ZNF404: variants seen among roughly 807,000 people sequenced by gnomAD.
The protein encoded by ZNF404 is zinc finger protein 404.
Under a neutral mutation model 7.3 loss-of-function variants are expected in ZNF404, and 7 were observed. The ratio of observed to expected loss-of-function variants is 0.95; its 90% CI spans 0.54 to 1.79. The LOEUF is 1.79. ZNF404 is among the 40% of genes most tolerant of loss of function. The probability of loss-of-function intolerance (pLI) is 0.00; values close to 1 mark genes in which losing one functional copy is unlikely to be tolerated. For missense variants in ZNF404, 560 were observed against 661.5 expected (o/e 0.85, Z 1.68); for synonymous variants, 191 against 209.9 (o/e 0.91, Z 0.78).
rs558978047 is a variant in ZNF404 at position 43,874,001 on chromosome 19, C to G, written c.213G>C (p.Glu71Asp). The change falls in exon 3 of 3, where the codon GAG becomes GAC. Residue 71 changes from glutamate to aspartate, a missense_variant. Coordinates refer to ENST00000587539, the MANE Select transcript of ZNF404 (RefSeq NM_001033719.3). The part of the protein sequence containing the change: ...RNYEVNAYHQ[E>D]TWKRNKTFNL... Reference sequence around the variant, plus strand: ...TGAAGGTTTTATTTCTTTTCCATGTCTCCTGATGGTACGCATTTACTTCAT... The same window carrying G: ...TGAAGGTTTTATTTCTTTTCCATGTGTCCTGATGGTACGCATTTACTTCAT... The G allele has an allele frequency of 9.3e-6, 15 of 1,609,450 alleles. No individual in the cohort carries two copies. In the South Asian group the frequency reaches 1.7e-4, roughly 18 times the overall value.
chr19:43,872,660 A>G lies in ZNF404; in HGVS notation c.1554T>C (p.Thr518=), dbSNP rs780015279. The G allele has an allele frequency of 1.2e-6, 2 of 1,613,252 alleles. No individual in the cohort carries two copies. Among genetic ancestry groups the G allele is most frequent in the Non-Finnish European group, 8.5e-7 (1 of 1,179,556 alleles). ...CTTTGCATTTCTGTGGTTTCACACC[A>G]GTATGAATTGTCTCATGTTGAGTAA... ...DRLTQHETIH[T]GVKPQKCKEC... Residue 518 remains threonine (T), a synonymous_variant, in exon 3 of 3, where the codon ACT becomes ACC. Coordinates refer to ENST00000587539, the MANE Select transcript of ZNF404 (RefSeq NM_001033719.3). This position sits in a 1 kb window ranked among gnomAD's most constrained non-coding sequence, Gnocchi z 4.4.
In ZNF404 at chr19:43,879,297, A is replaced by T. The variant is rs544496472; in HGVS notation, c.136+713T>A. The stretch of plus-strand genomic sequence containing the variant: ...GAAAACAGAATAAGTGAGCTGGAAT[A>T]CAGGTCAACAGGAAACATTCAAACT... On this transcript the variant is annotated intron_variant, in intron 2 of 2. Transcript: ENST00000587539. Among the ~76,000 whole-genome samples the T allele has an allele frequency of 1.1e-4, 16 of 152,344 alleles. No homozygotes were observed. In the South Asian group the frequency reaches 3.3e-3, roughly 32 times the overall value.
rs375972435 is a variant in ZNF404, at chr19:43,883,566, T to C, written c.9+390A>G. ...AGACCACTCATAACCAAGTTTTCCCTTATCTAACTGTGGAGATAAGGGAGC... is the reference window on the plus strand; with the variant it reads ...AGACCACTCATAACCAAGTTTTCCCCTATCTAACTGTGGAGATAAGGGAGC... On this transcript the variant is annotated intron_variant, in intron 1 of 2. Transcript: ENST00000587539. Among the ~76,000 whole-genome samples, 165 of 152,336 alleles carry C rather than the reference T, an allele frequency of 1.1e-3. 1 individual carries two copies. The highest frequency in any genetic ancestry group is 3.6e-3 in the African/African-American group (150 of 41,568).
intron 2 of ZNF404, 144 bp downstream of exon 2, chr19:43,879,866 A>G: frequency 9.9e-7 from 1 of 1,010,724 alleles, no homozygotes; most frequent in Non-Finnish European, 1.5e-6. Flanking sequence ...ACAAACTTCA[A>G]ATATGCCCAT....
intron 1 of ZNF404, among the ~76,000 whole-genome samples, chr19:43,882,385 C>G (rs1001885494): frequency 1.2e-4 from 19 of 152,210 alleles, no homozygotes; most frequent in African/African-American, 4.6e-4. Context: ...AAACATAAAA[C>G]TATAGAGCTT....
chr19:43,874,204 T>A (rs1199843222), intron 2 of ZNF404, 127 bp from the exon 3 acceptor site: 7 of 699,548 alleles, frequency 1.0e-5, no homozygotes, highest in African/African-American at 9.5e-5. Context: ...TTTAGAAAAT[T>A]CTAAAGTACT....
Position 43,873,405 on chromosome 19 carries a change from G to C in ZNF404, c.809C>G (p.Pro270Arg), listed in dbSNP as rs759975984. The part of the protein sequence containing the change: ...LHQKIHHGVK[P>R]YKCKECGKAF... ...CTTTCCACATTCTTTACATTTGTAG[G>C]GTTTCACACCATGATGAATTTTCTG... Residue 270 changes from proline (P) to arginine (R), a missense_variant, in exon 3 of 3, where the codon CCC becomes CGC. By Grantham distance (103) the Pro-to-Arg change is moderately radical (BLOSUM62 -2). Transcript: ENST00000587539. 3.7e-6 allele frequency: 6 copies of C among 1,613,330 alleles called. No individual in the cohort carries two copies. In the African/African-American group the frequency reaches 8.0e-5, roughly 22 times the overall value.
intron 2 of ZNF404, among the ~76,000 whole-genome samples, chr19:43,878,576 T>G (rs1328853731): frequency 6.6e-6 from 1 of 152,086 alleles, no homozygotes; most frequent in Non-Finnish European, 1.5e-5. Context: ...TCTGGCTGAG[T>G]ACTGATATGA....
intron 2 of ZNF404, 39 bp downstream of exon 2, chr19:43,879,971 G>T: frequency 6.2e-7 from 1 of 1,609,938 alleles, no homozygotes; most frequent in East Asian, 2.2e-5. Context: ...TGATATTCTA[G>T]AGAGCATATT....
chr19:43,878,827 GAA>G (rs746676754), intron 2 of ZNF404, among the ~76,000 whole-genome samples: 3 of 152,158 alleles, frequency 2.0e-5, no homozygotes, highest in African/African-American at 2.4e-5. Context: ...TTATCAAACT[GAA>G]AACCAGCAGT....
chr19:43,878,410 C>T, intron 2 of ZNF404, among the ~76,000 whole-genome samples: 1 of 151,850 alleles, frequency 6.6e-6, no homozygotes, highest in Non-Finnish European at 1.5e-5. Context: ...ATGTCCTTCG[C>T]CCACTTTTTG....
At chr19:43,879,421 A>G (rs938597846) in intron 2 of ZNF404, among the ~76,000 whole-genome samples, 1 of 152,206 alleles carries the variant, frequency 6.6e-6, no homozygotes, top group Non-Finnish European at 1.5e-5. Flanking sequence ...AGGTGTAATT[A>G]AAGTCCCAGA....
At position 43,872,820 on chromosome 19, in the gene ZNF404, T is replaced by C; in HGVS notation, c.1394A>G (p.Lys465Arg). 6.2e-7 allele frequency: 1 copy of C among 1,610,324 alleles called. No homozygotes were observed. The highest frequency in any genetic ancestry group is 1.3e-5 in the African/African-American group (1 of 74,966). Residue 465 changes from lysine to arginine, a missense_variant, in exon 3 of 3, where the codon AAA becomes AGA. Physicochemically the swap from Lys to Arg is conservative, Grantham distance 26. Transcript: ENST00000587539. This position sits in a 1 kb window ranked among gnomAD's most constrained non-coding sequence, Gnocchi z 4.4. ...IYHQTIHTGL[K>R]PYVCKECKKA... ...CTTACATTCTTTACATACATAGGGTTTCAAACCAGTATGAATTGTCTGATG... is the reference window on the plus strand; with the variant it reads ...CTTACATTCTTTACATACATAGGGTCTCAAACCAGTATGAATTGTCTGATG...
rs771314796 is a variant in ZNF404 at position 43,873,925 on chromosome 19, C to A, written c.289G>T (p.Gly97Trp). The A allele has an allele frequency of 6.2e-7, 1 of 1,613,100 alleles. No homozygotes were observed. The highest frequency in any genetic ancestry group is 1.1e-5 in the South Asian group (1 of 91,016). ...CCCACTTTAGGTCTCTGTTGTCTCC[C>A]AAATTCAATTGTGTACTGTGGGTCA... ...RTDPQYTIEFGRQQRPKVGCF... is the reference protein window; with the variant it reads ...RTDPQYTIEFWRQQRPKVGCF... The change falls in exon 3 of 3, where the codon GGG becomes TGG. Residue 97 changes from glycine (G) to tryptophan (W), a missense_variant. By Grantham distance (184) the Gly-to-Trp change is radical. Transcript: ENST00000587539.
At chr19:43,880,160 A>T (rs1375976177) in intron 1 of ZNF404, 24 bp from the exon 2 acceptor site, 1 of 1,581,316 alleles carries the variant, frequency 6.3e-7, no homozygotes. Context: ...CCTGTGTATT[A>T]TTTGTAAAAG....
rs184214090 is a variant in ZNF404, at chr19:43,873,682, G to T, written c.532C>A (p.Arg178=). 2.5e-6 allele frequency: 4 copies of T among 1,613,076 alleles called. No individual in the cohort carries two copies. The highest frequency in any genetic ancestry group is 2.7e-5 in the African/African-American group (2 of 74,794). The change falls in exon 3 of 3, where the codon CGA becomes AGA. Residue 178 remains arginine (R), a synonymous_variant. Coordinates refer to ENST00000587539, the MANE Select transcript of ZNF404 (RefSeq NM_001033719.3). ...GGTTTCAAATCAGTGTGGATTTTTC[G>T]ATGTCTAATAAAATGCTGGAAAACT... ...FVVFQHFIRH[R]KIHTDLKPYE...
At chr19:43,875,121 A>G (rs1971842907) in intron 2 of ZNF404, among the ~76,000 whole-genome samples, 1 of 152,194 alleles carries the variant, frequency 6.6e-6, no homozygotes, top group Non-Finnish European at 1.5e-5. Flanking sequence ...AGTCAAGAAT[A>G]TAAGTGGAAA....
chr19:43,881,593 A>G (rs927443110), intron 1 of ZNF404: 2 of 152,196 alleles, frequency 1.3e-5, no homozygotes, highest in Admixed American at 1.3e-4. Context: ...AGAAAGCTAT[A>G]ATATGTTCAT....
At chr19:43,877,694 T>C (rs1241717510) in intron 2 of ZNF404, among the ~76,000 whole-genome samples, 1 of 146,720 alleles carries the variant, frequency 6.8e-6, no homozygotes, top group East Asian at 2.0e-4. Flanking sequence ...TAACTCGTCA[T>C]CTAGCATTAG....
Sources: allele counts gnomAD v4.1 joint callset (sites outside exome capture counted in the v4.1 genomes callset), GRCh38; gene constraint gnomAD v4.1.1; non-coding constraint Gnocchi (gnomAD v3.1); transcripts MANE v1.5; gene names NCBI Gene and HGNC (gene_info 2026-07-23, HGNC 2026-07-21).